CNTNAP2: variants seen among roughly 807,000 people sequenced by gnomAD.
CNTNAP2 encodes contactin associated protein 2.
A neutral mutation model predicts 155.2 loss-of-function variants in CNTNAP2; 98 were observed. That is an observed-to-expected ratio of 0.63 (90% confidence interval 0.54 to 0.75). CNTNAP2 has a LOEUF of 0.75. Ranked by LOEUF, CNTNAP2 falls within the 30% of genes least tolerant of loss-of-function variation. The probability of loss-of-function intolerance (pLI) is 0.00; values close to 1 mark genes in which losing one functional copy is unlikely to be tolerated. For synonymous variants in CNTNAP2, 651 were observed against 631.2 expected (o/e 1.03, Z -0.47); for missense variants, 1,727 against 1,688.1 (o/e 1.02, Z -0.40).
chr7:148,252,588 C>T (rs1242473265), intron 20 of CNTNAP2, among the ~76,000 whole-genome samples: 1 of 152,102 alleles, frequency 6.6e-6, no homozygotes, highest in East Asian at 1.9e-4. Flanking sequence ...ATTTCAGGGT[C>T]GGGGAGAGGG....
intron 1 of CNTNAP2, among the ~76,000 whole-genome samples, chr7:146,395,856 A>G (rs1209162763): frequency 2.1e-5 from 3 of 143,118 alleles, no homozygotes; most frequent in African/African-American, 8.7e-5. Context: ...AGAGAGAGAG[A>G]TTAGATGGAC....
chr7:146,446,013 A>G (rs576788359), intron 1 of CNTNAP2, among the ~76,000 whole-genome samples: 1 of 152,148 alleles, frequency 6.6e-6, no homozygotes. Flanking sequence ...TGGTTGGTAC[A>G]TTTTGAAAAA....
intron 13 of CNTNAP2, among the ~76,000 whole-genome samples, chr7:147,767,477 G>T (rs955344091): frequency 6.6e-6 from 1 of 151,836 alleles, no homozygotes; most frequent in Admixed American, 6.6e-5. Flanking sequence ...TTTTTCTCTT[G>T]TCCATTATCT....
At chr7:148,103,435 T>C (rs956330165) in intron 15 of CNTNAP2, among the ~76,000 whole-genome samples, 2 of 152,188 alleles carry the variant, frequency 1.3e-5, no homozygotes, top group African/African-American at 4.8e-5. Context: ...TTCTTTGAAA[T>C]TAAAACTGTT....
chr7:147,728,310 G>A (rs1030548664), intron 13 of CNTNAP2, among the ~76,000 whole-genome samples: 5 of 152,046 alleles, frequency 3.3e-5, no homozygotes, highest in Admixed American at 6.6e-5. Context: ...CAGGTGAAGC[G>A]AAGTTCGGAA....
intron 3 of CNTNAP2, among the ~76,000 whole-genome samples, chr7:146,973,248 C>T (rs909865473): frequency 2.0e-5 from 3 of 151,982 alleles, no homozygotes; most frequent in African/African-American, 7.2e-5. Context: ...GGCTGGTCTC[C>T]AACTCCTGAC....
intron 1 of CNTNAP2, among the ~76,000 whole-genome samples, chr7:146,514,122 A>C (rs966842633): frequency 1.3e-5 from 2 of 151,402 alleles, no homozygotes; most frequent in African/African-American, 4.9e-5. Flanking sequence ...GCTCCTTTTT[A>C]TATTATTTGG....
chr7:146,852,141 T>A (rs1051509249), intron 3 of CNTNAP2, among the ~76,000 whole-genome samples: 1 of 152,198 alleles, frequency 6.6e-6, no homozygotes, highest in Non-Finnish European at 1.5e-5. Flanking sequence ...CATGAACATA[T>A]GAATTTTGGG....
chr7:147,952,241 G>T (rs7791470), intron 14 of CNTNAP2, among the ~76,000 whole-genome samples: 21,086 of 35,408 alleles, frequency 0.6, 7,988 homozygotes, highest in East Asian at 0.81. Flanking sequence ...TTGGGAGTTT[G>T]AGACCAGCCT....
intron 15 of CNTNAP2, among the ~76,000 whole-genome samples, chr7:148,050,559 C>T (rs1802869625): frequency 6.6e-6 from 1 of 152,114 alleles, no homozygotes. Flanking sequence ...AAAAAAGTTA[C>T]AGTAAACTAA....
intron 12 of CNTNAP2, among the ~76,000 whole-genome samples, chr7:147,591,890 C>T (rs1342749812): frequency 1.3e-5 from 2 of 152,156 alleles, no homozygotes; most frequent in Non-Finnish European, 2.9e-5. Context: ...TACAAATTTT[C>T]TTTGCCTGAA....
intron 10 of CNTNAP2, among the ~76,000 whole-genome samples, chr7:147,431,116 G>C (rs936792563): frequency 6.6e-6 from 1 of 151,776 alleles, no homozygotes; most frequent in Non-Finnish European, 1.5e-5. Flanking sequence ...TAGGAGAAGC[G>C]CAGGTCATAT....
intron 8 of CNTNAP2, among the ~76,000 whole-genome samples, chr7:147,243,382 T>A (rs1218947981): frequency 6.6e-6 from 1 of 152,170 alleles, no homozygotes; most frequent in East Asian, 1.9e-4. Context: ...TCAGATAGTC[T>A]GGACTTACAG....
At chr7:148,195,919 G>A (rs554183801) in intron 18 of CNTNAP2, among the ~76,000 whole-genome samples, 4 of 152,244 alleles carry the variant, frequency 2.6e-5, no homozygotes, top group African/African-American at 7.2e-5. Flanking sequence ...CAGACATTCA[G>A]AGCACGCATC....
chr7:147,315,253 T>A (rs1461493335), intron 9 of CNTNAP2, among the ~76,000 whole-genome samples: 1 of 145,812 alleles, frequency 6.9e-6, no homozygotes, highest in African/African-American at 2.5e-5. Flanking sequence ...TCATATGCTA[T>A]AAAATTCACC....
Position 146,665,052 on chromosome 7 carries a change from G to T in CNTNAP2, c.98-109219G>T, listed in dbSNP as rs542608304. ...CAACTTCTACCTCCCAGGTTCAAGCGCTTCTCGTGCCTTAGCCTTCCGAGT... is the reference window on the plus strand; with the variant it reads ...CAACTTCTACCTCCCAGGTTCAAGCTCTTCTCGTGCCTTAGCCTTCCGAGT... On this transcript the variant is annotated intron_variant, in intron 1 of 23. Transcript: ENST00000361727. Among the ~76,000 whole-genome samples, 4 of 152,200 alleles carry T rather than the reference G, an allele frequency of 2.6e-5. No homozygotes were observed. The East Asian group carries it at 7.7e-4, about 29-fold the overall frequency.
At chr7:146,360,942 A>G (rs1795073463) in intron 1 of CNTNAP2, among the ~76,000 whole-genome samples, 1 of 152,176 alleles carries the variant, frequency 6.6e-6, no homozygotes, top group African/African-American at 2.4e-5. Context: ...GACACTATAC[A>G]CTTGTCAGGT....
intron 11 of CNTNAP2, among the ~76,000 whole-genome samples, chr7:147,537,323 T>C (rs1286142328): frequency 6.6e-6 from 1 of 152,200 alleles, no homozygotes; most frequent in Non-Finnish European, 1.5e-5. Flanking sequence ...AAGCTATGAA[T>C]AAATCTGTAT....
intron 3 of CNTNAP2, among the ~76,000 whole-genome samples, chr7:147,037,492 G>A (rs889314570): frequency 9.8e-5 from 12 of 122,854 alleles, no homozygotes; most frequent in East Asian, 6.9e-4. Context: ...ATGGAGTTTC[G>A]CTCTTGTTGT....
Sources: allele counts gnomAD v4.1 joint callset (sites outside exome capture counted in the v4.1 genomes callset), GRCh38; gene constraint gnomAD v4.1.1; transcripts MANE v1.5; gene names NCBI Gene and HGNC (gene_info 2026-07-23, HGNC 2026-07-21).